AGAP1: variants seen among roughly 807,000 people sequenced by gnomAD.
The protein encoded by AGAP1 is arf-GAP with GTPase, ANK repeat and PH domain-containing protein 1.
A neutral mutation model predicts 105.3 loss-of-function variants in AGAP1; 29 were observed. The ratio of observed to expected loss-of-function variants is 0.28; its 90% CI spans 0.21 to 0.38. The LOEUF (loss-of-function observed/expected upper bound fraction) is 0.38, where lower values mean the gene tolerates loss of function less well. AGAP1 is among the 10% of genes least tolerant of loss of function. AGAP1 has a pLI of 1.00. For missense variants in AGAP1, 998 were observed against 1,165.1 expected (o/e 0.86, Z 2.09); for synonymous variants, 509 against 485.9 (o/e 1.05, Z -0.63).
chr2:235,980,578 C>T (rs2055049815), intron 13 of AGAP1, among the ~76,000 whole-genome samples: 1 of 152,200 alleles, frequency 6.6e-6, no homozygotes, highest in Non-Finnish European at 1.5e-5. Flanking sequence ...TATGTGGCCA[C>T]TGTGTTCAGG....
chr2:235,581,018 G>A (rs1395755308), intron 1 of AGAP1, among the ~76,000 whole-genome samples: 1 of 151,826 alleles, frequency 6.6e-6, no homozygotes, highest in Non-Finnish European at 1.5e-5. Context: ...CCCGTGAGGT[G>A]TGGAGTGGAG....
At position 235,824,628 on chromosome 2, in the gene AGAP1, C is replaced by G. The variant is rs1187517453; in HGVS notation, c.1050+17297C>G. ...TTGTTAATTGATTTGGTGATTCCCT[C>G]GGGTCTGCATGCTCCTTTTCCCCCT... is the stretch of plus-strand genomic sequence containing the variant. On this transcript the variant is annotated intron_variant, in intron 9 of 17. Transcript: ENST00000304032. The surrounding 1 kb of genome is among the most constrained non-coding windows in gnomAD (Gnocchi z 5.2). Among the ~76,000 whole-genome samples, 1 of 152,138 alleles carries G rather than the reference C, an allele frequency of 6.6e-6. No individual in the cohort carries two copies.
intron 1 of AGAP1, among the ~76,000 whole-genome samples, chr2:235,648,630 T>C (rs1390438551): frequency 3.3e-5 from 5 of 151,396 alleles, no homozygotes; most frequent in African/African-American, 9.7e-5. Context: ...TCCCAGCACT[T>C]TGGGAAGCCG....
At chr2:235,817,091 A>G (rs1958501645) in intron 9 of AGAP1, among the ~76,000 whole-genome samples, 1 of 152,086 alleles carries the variant, frequency 6.6e-6, no homozygotes, top group Non-Finnish European at 1.5e-5. Flanking sequence ...CCAAACAAGC[A>G]CCTCTCCTGG....
At chr2:235,790,882 T>C (rs1206051705) in intron 6 of AGAP1, among the ~76,000 whole-genome samples, 1 of 152,240 alleles carries the variant, frequency 6.6e-6, no homozygotes, top group Non-Finnish European at 1.5e-5. Context: ...GACTGTACTC[T>C]TTAGTAGACG....
rs937047184 is a variant in AGAP1 at position 236,105,820 on chromosome 2, A to G, written c.2115-14372A>G. Among the ~76,000 whole-genome samples the G allele has an allele frequency of 1.3e-5, 2 of 151,984 alleles. No homozygotes were observed. The highest frequency in any genetic ancestry group is 1.3e-4 in the Admixed American group (2 of 15,270). On this transcript the variant is annotated intron_variant, in intron 16 of 17. Coordinates refer to ENST00000304032, the MANE Select transcript of AGAP1 (RefSeq NM_001037131.3). This position sits in a 1 kb window ranked among gnomAD's most constrained non-coding sequence, Gnocchi z 4.2. Reference sequence around the variant, plus strand: ...CACCATGTTAGCCAGGGTGGTCTCGATCTCCTGACCTCATGATCCACCCTC... The same window carrying G: ...CACCATGTTAGCCAGGGTGGTCTCGGTCTCCTGACCTCATGATCCACCCTC...
intron 1 of AGAP1, among the ~76,000 whole-genome samples, chr2:235,643,204 G>T (rs944363549): frequency 6.6e-6 from 1 of 151,888 alleles, no homozygotes; most frequent in African/African-American, 2.4e-5. Context: ...AGGCCGAGGC[G>T]GGTGGATCAC....
At chr2:235,804,268 G>A (rs1957728369) in intron 8 of AGAP1, among the ~76,000 whole-genome samples, 1 of 152,100 alleles carries the variant, frequency 6.6e-6, no homozygotes, top group African/African-American at 2.4e-5. Flanking sequence ...CCATTTTCAA[G>A]CTTTATAATA....
At position 235,723,171 on chromosome 2, in the gene AGAP1, G is replaced by A. The variant is rs969293670; in HGVS notation, c.310+5527G>A. Among the ~76,000 whole-genome samples, 6 of 152,126 alleles carry A rather than the reference G, an allele frequency of 3.9e-5. No individual in the cohort carries two copies. Among genetic ancestry groups the A allele is most frequent in the South Asian group, 2.1e-4 (1 of 4,824 alleles). On this transcript the variant is annotated intron_variant, in intron 3 of 17. Coordinates refer to ENST00000304032, the MANE Select transcript of AGAP1 (RefSeq NM_001037131.3). This position sits in a 1 kb window ranked among gnomAD's most constrained non-coding sequence, Gnocchi z 6.2. ...CTCTGAGGACAATTTCACAGCTGCC[G>A]TTCACTTCCTATAAAGAGAATGAGA...
intron 9 of AGAP1, among the ~76,000 whole-genome samples, chr2:235,819,068 G>T (rs1958627693): frequency 6.6e-6 from 1 of 151,994 alleles, no homozygotes; most frequent in South Asian, 2.1e-4. Context: ...GGTTGCCTGA[G>T]TAGGTCAGAA....
At chr2:235,670,820 A>G in intron 1 of AGAP1, 1 of 1,416,092 alleles carries the variant, frequency 7.1e-7, no homozygotes, top group Non-Finnish European at 9.3e-7. Context: ...CACGCTGGAC[A>G]ACAGCGACCT....
chr2:235,818,571 T>C (rs1414315497), intron 9 of AGAP1, among the ~76,000 whole-genome samples: 1 of 152,156 alleles, frequency 6.6e-6, no homozygotes, highest in Non-Finnish European at 1.5e-5. Flanking sequence ...GCCTCCCGAG[T>C]AGCTGGGATT....
rs1370811201 is a variant in AGAP1, at chr2:236,003,163, A to G, written c.1646-33398A>G. Among the ~76,000 whole-genome samples, 1 of 151,960 alleles carries G rather than the reference A, an allele frequency of 6.6e-6. No homozygotes were observed. Among genetic ancestry groups the G allele is most frequent in the African/African-American group, 2.4e-5 (1 of 41,366 alleles). On this transcript the variant is annotated intron_variant, in intron 13 of 17. Coordinates refer to ENST00000304032, the MANE Select transcript of AGAP1 (RefSeq NM_001037131.3). This position sits in a 1 kb window ranked among gnomAD's most constrained non-coding sequence, Gnocchi z 4.2. ...AGGTTCAAGCAGTTCTTGTGCCTCAACCCCCCAAGTAGCTGGGACTACAGG... is the reference window on the plus strand; with the variant it reads ...AGGTTCAAGCAGTTCTTGTGCCTCAGCCCCCCAAGTAGCTGGGACTACAGG...
intron 13 of AGAP1, among the ~76,000 whole-genome samples, chr2:236,031,954 G>C (rs1052612100): frequency 1.3e-5 from 2 of 152,192 alleles, no homozygotes; most frequent in African/African-American, 4.8e-5. Flanking sequence ...TTCTGGGCCT[G>C]CCGTTCACTG....
chr2:235,851,764 A>C (rs1451073901), intron 9 of AGAP1, among the ~76,000 whole-genome samples: 1 of 152,154 alleles, frequency 6.6e-6, no homozygotes, highest in Non-Finnish European at 1.5e-5. Flanking sequence ...AATTGAGCTG[A>C]AATTAAATCT....
chr2:236,125,778 G>C lies in AGAP1; in HGVS notation c.*1656G>C, dbSNP rs1249447022. On this transcript the variant is annotated 3_prime_UTR_variant, in exon 18 of 18. Transcript: ENST00000304032. The surrounding 1 kb of genome is among the most constrained non-coding windows in gnomAD (Gnocchi z 5.2). ...TATCCAGCCGCTTCAGACGTCCGCC[G>C]CCTTCAGTGGTGGTAGTCAAATGTA... The C allele has an allele frequency of 1.3e-5, 2 of 152,184 alleles. No homozygotes were observed. The highest frequency in any genetic ancestry group is 2.9e-5 in the Non-Finnish European group (2 of 68,056). The allele number at this position is 152,184 out of a possible 1,614,324, so 9.4% of individuals were successfully genotyped here.
In AGAP1 at chr2:235,723,405, A is replaced by C. The variant is rs552928580; in HGVS notation, c.310+5761A>C. On this transcript the variant is annotated intron_variant, in intron 3 of 17. Coordinates refer to ENST00000304032, the MANE Select transcript of AGAP1 (RefSeq NM_001037131.3). This position sits in a 1 kb window ranked among gnomAD's most constrained non-coding sequence, Gnocchi z 6.2. ...CAAAGGAAACAAAGCTAGGATGTCC[A>C]GTATTATGTGGACATTAGATAGGAA... is the stretch of plus-strand genomic sequence containing the variant. Among the ~76,000 whole-genome samples the C allele has an allele frequency of 6.6e-6, 1 of 152,236 alleles. No homozygotes were observed. The highest frequency in any genetic ancestry group is 2.4e-5 in the African/African-American group (1 of 41,460).
chr2:235,802,640 ATGGTTGTGGTGATGATGATGGTTG>A (rs1354961313), intron 8 of AGAP1, among the ~76,000 whole-genome samples: 2,153 of 150,260 alleles, frequency 0.014, 37 homozygotes, highest in African/African-American at 0.049. Flanking sequence ...GGTGGTGATG[ATGGTTGTGGTGATGATGATGGTTG>A]TGGTTGTGGT....
Position 235,936,934 on chromosome 2 carries a change from C to CTT in AGAP1, c.1483+6022_1483+6023dup, listed in dbSNP as rs900623607. On this transcript the variant is annotated intron_variant, in intron 12 of 17. Coordinates refer to ENST00000304032, the MANE Select transcript of AGAP1 (RefSeq NM_001037131.3). This position sits in a 1 kb window ranked among gnomAD's most constrained non-coding sequence, Gnocchi z 4.7. ...CAAAGCTTGTAATCATTCCCCTCTG[C>CTT]TTTTTTTTTTTTAAGGAGAAACGCA... Among the ~76,000 whole-genome samples, 3 of 144,436 alleles carry CTT rather than the reference C, an allele frequency of 2.1e-5. No homozygotes were observed. The highest frequency in any genetic ancestry group is 2.0e-4 in the East Asian group (1 of 5,012). 94.8% of individuals were successfully genotyped at this position (144,436 alleles called of 152,430 possible).
Sources: allele counts gnomAD v4.1 joint callset (sites outside exome capture counted in the v4.1 genomes callset), GRCh38; gene constraint gnomAD v4.1.1; non-coding constraint Gnocchi (gnomAD v3.1); transcripts MANE v1.5; gene names NCBI Gene and HGNC (gene_info 2026-07-23, HGNC 2026-07-21).